Variants in DOCK4 observed in about 807,000 individuals in gnomAD.
DOCK4 encodes dedicator of cytokinesis 4, also known as dedicator of cytokinesis protein 4.
Under a neutral mutation model 268.1 loss-of-function variants are expected in DOCK4, and 97 were observed. The observed-to-expected ratio is 0.36, with a 90% CI of 0.31 to 0.43. The LOEUF (loss-of-function observed/expected upper bound fraction) is 0.43, where lower values mean the gene tolerates loss of function less well. Ranked by LOEUF, DOCK4 falls within the 20% of genes least tolerant of loss-of-function variation. The pLI is 1.00. For synonymous variants in DOCK4, 954 were observed against 887.2 expected (o/e 1.08, Z -1.34); for missense variants, 2,145 against 2,455.7 (o/e 0.87, Z 2.67).
At chr7:112,095,086 AG>A (rs58585170) in intron 1 of DOCK4, among the ~76,000 whole-genome samples, 1,977 of 152,326 alleles carry the variant, frequency 0.013, 44 homozygotes, top group African/African-American at 0.045. Flanking sequence ...ACTTTTGTAC[AG>A]CAAAAGGATA....
intron 1 of DOCK4, among the ~76,000 whole-genome samples, chr7:112,106,281 T>A (rs1358996205): frequency 6.6e-6 from 1 of 152,210 alleles, no homozygotes; most frequent in Non-Finnish European, 1.5e-5. Context: ...CTCAAACAAC[T>A]GGTATTCTAA....
At chr7:111,838,086 CAAAAAAAAAAAAAAAA>C (rs749907970) in intron 25 of DOCK4, among the ~76,000 whole-genome samples, 1 of 29,836 alleles carries the variant, frequency 3.4e-5, no homozygotes, top group African/African-American at 1.0e-4. Context: ...AACCCTACCT[CAAAAAAAAAAAAAAAA>C]AAAAAAAAAA....
rs115663385 is a variant in DOCK4 at position 111,838,463 on chromosome 7, C to T, written c.2737-3777G>A. ...TGCAGTATATCCATACAATGGAATA[C>T]TATTCAGCAATAAGAAGGAATAAAC... On this transcript the variant is annotated intron_variant, in intron 25 of 52. Transcript: ENST00000428084. Among the ~76,000 whole-genome samples, 1,161 of 152,180 alleles carry T rather than the reference C, an allele frequency of 7.6e-3. 15 individuals carry two copies. The highest frequency in any genetic ancestry group is 0.026 in the African/African-American group (1,095 of 41,512).
At position 112,018,179 on chromosome 7, in the gene DOCK4, A is replaced by AAAAAACACAC; in HGVS notation, c.38-14049_38-14048insGTGTGTTTTT. On this transcript the variant is annotated intron_variant, in intron 1 of 52. Transcript: ENST00000428084. ...AAAAAAAAAAAAAAAAAAAAAAAAA[A>AAAAAACACAC]ACACAGGCAACCAGTATTCATGTGG... 1.7e-4 allele frequency among the ~76,000 whole-genome samples: 12 copies of AAAAAACACAC among 72,628 alleles called. 3 individuals are homozygous for AAAAAACACAC. Among genetic ancestry groups the AAAAAACACAC allele is most frequent in the Admixed American group, 5.2e-4 (4 of 7,654 alleles). The allele number at this position is 72,628 out of a possible 152,430, so 47.6% of individuals were successfully genotyped here. A position where few individuals can be genotyped will look rare whatever the true frequency, so the allele number is the denominator to read the frequency against.
At chr7:112,129,172 G>T (rs1813564562) in intron 1 of DOCK4, among the ~76,000 whole-genome samples, 2 of 152,158 alleles carry the variant, frequency 1.3e-5, no homozygotes, top group Admixed American at 6.5e-5. Flanking sequence ...ATGGGTGAAT[G>T]GTTAAATAAG....
intron 34 of DOCK4, 75 bp downstream of exon 34, chr7:111,783,782 G>T: frequency 7.8e-7 from 1 of 1,284,650 alleles, no homozygotes; most frequent in South Asian, 1.3e-5. Flanking sequence ...GTGGAACGTT[G>T]ATTGTATTCT....
chr7:112,079,545 C>A (rs1305455803), intron 1 of DOCK4, among the ~76,000 whole-genome samples: 1 of 152,088 alleles, frequency 6.6e-6, no homozygotes, highest in Non-Finnish European at 1.5e-5. Context: ...CACTGACAAG[C>A]CACAACAAGC....
chr7:111,983,862 G>GCGCGCACACACACACA, intron 7 of DOCK4, among the ~76,000 whole-genome samples: 1 of 138,560 alleles, frequency 7.2e-6, no homozygotes, highest in African/African-American at 2.8e-5. Context: ...GCGCGCGCGC[G>GCGCGCACACACACACA]CACACACACA....
At chr7:112,120,656 G>A (rs1288968001) in intron 1 of DOCK4, among the ~76,000 whole-genome samples, 2 of 152,070 alleles carry the variant, frequency 1.3e-5, no homozygotes, top group African/African-American at 2.4e-5. Context: ...CATAAATAGA[G>A]ATATATACAC....
intron 15 of DOCK4, 143 bp from the exon 16 acceptor site, chr7:111,895,861 C>A: frequency 1.5e-6 from 1 of 686,114 alleles, no homozygotes. Flanking sequence ...GATAGGCCAT[C>A]TATATAGAGC....
At chr7:112,051,840 A>C (rs531901925) in intron 1 of DOCK4, among the ~76,000 whole-genome samples, 1 of 152,266 alleles carries the variant, frequency 6.6e-6, no homozygotes, top group South Asian at 2.1e-4. Flanking sequence ...TTTATTTCTC[A>C]GAAGACTTAA....
chr7:111,736,341 C>T lies in DOCK4; in HGVS notation c.5305+576G>A, dbSNP rs142048040. 8.5e-5 allele frequency among the ~76,000 whole-genome samples: 13 copies of T among 152,306 alleles called. No individual in the cohort carries two copies. In the East Asian group the frequency reaches 2.5e-3, roughly 29 times the overall value. On this transcript the variant is annotated intron_variant, in intron 50 of 52. Coordinates refer to ENST00000428084, the MANE Select transcript of DOCK4 (RefSeq NM_001363540.2). The stretch of plus-strand genomic sequence containing the variant: ...CTGAGGAAATCGTGTTTAATCTGCT[C>T]TTCATCTTCTGCCGTGTTGCAGACT...
At chr7:112,130,758 T>G (rs779330255) in intron 1 of DOCK4, among the ~76,000 whole-genome samples, 6 of 152,264 alleles carry the variant, frequency 3.9e-5, no homozygotes, top group South Asian at 2.1e-4. Context: ...AGAGGCTGAG[T>G]AAAAATACAG....
chr7:111,845,777 G>T (rs1449699885), intron 24 of DOCK4, among the ~76,000 whole-genome samples: 1 of 152,134 alleles, frequency 6.6e-6, no homozygotes, highest in African/African-American at 2.4e-5. Flanking sequence ...TTGTGGAGGT[G>T]ATTTCTTTTT....
intron 30 of DOCK4, among the ~76,000 whole-genome samples, chr7:111,796,607 T>C (rs1799912536): frequency 6.6e-6 from 1 of 152,176 alleles, no homozygotes; most frequent in African/African-American, 2.4e-5. Context: ...AAAATGTTAC[T>C]TAATTAGTAA....
intron 23 of DOCK4, among the ~76,000 whole-genome samples, chr7:111,855,461 T>G (rs561825733): frequency 3.3e-5 from 5 of 152,212 alleles, no homozygotes; most frequent in African/African-American, 1.2e-4. Flanking sequence ...CAGGAAAGAC[T>G]AAGCTCAGAG....
At chr7:112,030,420 A>G (rs1260536331) in intron 1 of DOCK4, among the ~76,000 whole-genome samples, 2 of 152,228 alleles carry the variant, frequency 1.3e-5, no homozygotes, top group Non-Finnish European at 2.9e-5. Flanking sequence ...ACATCCTTCA[A>G]GTATTTCTAA....
chr7:111,803,402 T>C (rs1171428769), intron 30 of DOCK4, among the ~76,000 whole-genome samples: 2 of 152,234 alleles, frequency 1.3e-5, no homozygotes, highest in Non-Finnish European at 2.9e-5. Flanking sequence ...ATACTTTCTC[T>C]ACCTCTAATT....
intron 38 of DOCK4, among the ~76,000 whole-genome samples, chr7:111,765,585 A>ACAAT (rs1797714892): frequency 6.6e-6 from 1 of 152,220 alleles, no homozygotes; most frequent in South Asian, 2.1e-4. Context: ...TATTTTCTTC[A>ACAAT]CAATCAAGTA....
Sources: gnomAD v4.1 joint callset for allele counts (sites outside exome capture counted in the v4.1 genomes callset) on GRCh38, gnomAD v4.1.1 for gene constraint, MANE v1.5 for transcripts, NCBI Gene and HGNC (gene_info 2026-07-23, HGNC 2026-07-21) for gene names.